HNF4G: variants seen among roughly 807,000 people sequenced by gnomAD.
HNF4G encodes hepatocyte nuclear factor 4-gamma.
Under a neutral mutation model 50.9 loss-of-function variants are expected in HNF4G, and 21 were observed. The observed-to-expected ratio is 0.41, with a 90% CI of 0.29 to 0.59. The LOEUF (loss-of-function observed/expected upper bound fraction) is 0.59. HNF4G is among the 20% of genes least tolerant of loss of function. The pLI is 0.26. For missense variants in HNF4G, 527 were observed against 559.4 expected, an observed-to-expected ratio of 0.94 and a Z score of 0.58; for synonymous variants, 198 against 185.6, an observed-to-expected ratio of 1.07 and a Z score of -0.54.
At chr8:75,533,380 G>T (rs1424774986) in intron 2 of HNF4G, among the ~76,000 whole-genome samples, 1 of 151,950 alleles carries the variant, frequency 6.6e-6, no homozygotes, top group African/African-American at 2.4e-5. Flanking sequence ...CGTGTCTGAT[G>T]CAACTTGAAC....
intron 6 of HNF4G, 111 bp from the exon 7 acceptor site, chr8:75,558,407 T>A: frequency 1.0e-6 from 1 of 953,668 alleles, no homozygotes; most frequent in East Asian, 2.6e-5. Flanking sequence ...TCACTATTCC[T>A]TCAAGGGTAG....
chr8:75,532,802 C>G (rs1490330046), intron 2 of HNF4G, among the ~76,000 whole-genome samples: 2 of 152,024 alleles, frequency 1.3e-5, no homozygotes, highest in African/African-American at 2.4e-5. Context: ...AAGAGTCAGA[C>G]AGTATCAGGG....
At chr8:75,512,097 T>C (rs1221643401) in intron 2 of HNF4G, among the ~76,000 whole-genome samples, 2 of 152,120 alleles carry the variant, frequency 1.3e-5, no homozygotes, top group Non-Finnish European at 2.9e-5. Context: ...GTAAATTATT[T>C]TGAGTTTTCT....
intron 1 of HNF4G, among the ~76,000 whole-genome samples, chr8:75,482,301 T>C (rs1292121966): frequency 6.6e-6 from 1 of 152,126 alleles, no homozygotes; most frequent in Non-Finnish European, 1.5e-5. Context: ...GGGACCTCCT[T>C]GTATTGATCT....
At chr8:75,553,442 C>T (rs1246381603) in intron 5 of HNF4G, among the ~76,000 whole-genome samples, 6 of 152,138 alleles carry the variant, frequency 3.9e-5, no homozygotes, top group Admixed American at 3.9e-4. Flanking sequence ...AAACACTCCT[C>T]TGCCCTTTTG....
At chr8:75,512,965 A>G (rs1805796836) in intron 2 of HNF4G, among the ~76,000 whole-genome samples, 1 of 152,168 alleles carries the variant, frequency 6.6e-6, no homozygotes, top group Non-Finnish European at 1.5e-5. Flanking sequence ...TGAACGTCTA[A>G]CACAATTTTA....
chr8:75,558,821 C>A lies in HNF4G; in HGVS notation c.907C>A (p.Pro303Thr). The change falls in exon 8 of 10, where the codon CCA becomes ACA. Residue 303 changes from proline to threonine, a missense_variant. Physicochemically the swap from Pro to Thr is conservative, Grantham distance 38 (BLOSUM62 -1). Around this residue, in one of 5 missense-constraint regions of HNF4G, gnomAD observed 308 missense variants for 301.5 expected, o/e 1.02. Transcript: ENST00000396423. ...GTTAGATGCAAAAGGGCTAAGCGAT[C>A]CAGTAAAAATTAAGAACATGAGGTT... ...FDPDAKGLSD[P>T]VKIKNMRFQV... 1.9e-6 allele frequency: 3 copies of A among 1,613,890 alleles called. No individual in the cohort carries two copies. The highest frequency in any genetic ancestry group is 2.5e-6 in the Non-Finnish European group (3 of 1,179,874).
chr8:75,525,379 A>G (rs1189073646), intron 2 of HNF4G, among the ~76,000 whole-genome samples: 1 of 152,202 alleles, frequency 6.6e-6, no homozygotes, highest in African/African-American at 2.4e-5. Flanking sequence ...CGCGTTAGCC[A>G]GGATGGTCTC....
intron 2 of HNF4G, among the ~76,000 whole-genome samples, chr8:75,533,886 T>C (rs930411169): frequency 5.9e-5 from 9 of 151,900 alleles, no homozygotes; most frequent in Admixed American, 1.3e-4. Context: ...TTATTGTATT[T>C]TATATGGAGA....
intron 1 of HNF4G, among the ~76,000 whole-genome samples, chr8:75,443,938 T>C (rs1302409748): frequency 6.6e-6 from 1 of 152,062 alleles, no homozygotes; most frequent in African/African-American, 2.4e-5. Context: ...GCTATAATAA[T>C]TAAAGCTCTA....
intron 2 of HNF4G, among the ~76,000 whole-genome samples, chr8:75,497,898 A>T (rs2977941): frequency 0.52 from 79,572 of 151,772 alleles, 23,227 homozygotes; most frequent in African/African-American, 0.79. Flanking sequence ...TAAACACTAC[A>T]CAAAATTAAT....
At chr8:75,551,080 T>G (rs1033904690) in intron 3 of HNF4G, among the ~76,000 whole-genome samples, 3 of 152,164 alleles carry the variant, frequency 2.0e-5, no homozygotes, top group Non-Finnish European at 4.4e-5. Context: ...TATCTTATAG[T>G]TTTATTAACT....
At chr8:75,491,266 A>T (rs1452016733) in intron 2 of HNF4G, among the ~76,000 whole-genome samples, 5 of 152,194 alleles carry the variant, frequency 3.3e-5, no homozygotes, top group African/African-American at 1.2e-4. Flanking sequence ...TGTTTGCAAC[A>T]TGTTACTGAT....
chr8:75,507,687 C>T (rs1324282203), intron 2 of HNF4G, among the ~76,000 whole-genome samples: 1 of 152,120 alleles, frequency 6.6e-6, no homozygotes, highest in African/African-American at 2.4e-5. Context: ...TCAAATACTG[C>T]ATTTTATAAA....
intron 2 of HNF4G, among the ~76,000 whole-genome samples, chr8:75,505,818 T>C (rs1813064574): frequency 2.0e-5 from 3 of 152,122 alleles, no homozygotes; most frequent in Admixed American, 2.0e-4. Context: ...ACATTTTAAA[T>C]ATTTTGTAGA....
At position 75,566,483 on chromosome 8, in the gene HNF4G, C is replaced by T. The variant is rs1807465482; in HGVS notation, c.*2387C>T. On this transcript the variant is annotated 3_prime_UTR_variant, in exon 10 of 10. Coordinates refer to ENST00000396423, the MANE Select transcript of HNF4G (RefSeq NM_004133.5). ...ATCTTTGAAATTGTTAGTAATGATT[C>T]TGCTTCAATAACTATGGTCAGGGAA... 6.6e-6 allele frequency: 1 copy of T among 152,370 alleles called. No individual in the cohort carries two copies. Among genetic ancestry groups the T allele is most frequent in the Admixed American group, 6.6e-5 (1 of 15,238 alleles). 9.4% of individuals were successfully genotyped at this position (152,370 alleles called of 1,614,324 possible).
chr8:75,558,452 A>T, intron 6 of HNF4G, 66 bp from the exon 7 acceptor site: 2 of 1,450,586 alleles, frequency 1.4e-6, no homozygotes, highest in Non-Finnish European at 1.9e-6. Context: ...AATTTTAAAC[A>T]GTGCTGACAA....
At chr8:75,492,483 T>C (rs915253180) in intron 2 of HNF4G, among the ~76,000 whole-genome samples, 8 of 152,206 alleles carry the variant, frequency 5.3e-5, no homozygotes, top group African/African-American at 1.9e-4. Flanking sequence ...GGGAGCATTA[T>C]TGTGACCCCC....
chr8:75,534,321 G>A (rs1268002200), intron 2 of HNF4G, among the ~76,000 whole-genome samples: 1 of 151,454 alleles, frequency 6.6e-6, no homozygotes, highest in Non-Finnish European at 1.5e-5. Flanking sequence ...ATGCTAATCA[G>A]CTCCTTATCT....
Sources: allele counts gnomAD v4.1 joint callset (sites outside exome capture counted in the v4.1 genomes callset), GRCh38; gene constraint gnomAD v4.1.1; regional missense constraint gnomAD v4.1.1; transcripts MANE v1.5; gene names NCBI Gene and HGNC (gene_info 2026-07-23, HGNC 2026-07-21).